The following RBBP8 variants were observed in gnomAD, a reference collection of about 807,000 sequenced individuals.
The protein encoded by RBBP8 is DNA endonuclease RBBP8.
RBBP8 carries 88 observed loss-of-function variants against 108.3 expected under a neutral mutation model. That is an observed-to-expected ratio of 0.81 (90% CI 0.68 to 0.97). RBBP8 has a LOEUF of 0.97. RBBP8 is among the 50% of genes least tolerant of loss of function. The probability of loss-of-function intolerance (pLI) is 0.00; values close to 1 mark genes in which losing one functional copy is unlikely to be tolerated. For synonymous variants in RBBP8, 332 were observed against 348.2 expected, an observed-to-expected ratio of 0.95 and a Z score of 0.52; for missense variants, 1,023 against 1,049.0, an observed-to-expected ratio of 0.98 and a Z score of 0.34.
intron 18 of RBBP8, chr18:23,024,761 G>A (rs935770406): frequency 6.6e-6 from 1 of 152,192 alleles, no homozygotes; most frequent in African/African-American, 2.4e-5. Context: ...TGATTGAAAA[G>A]TATAGTAGTG....
At chr18:22,930,123 G>C (rs951274856), upstream of RBBP8, among the ~76,000 whole-genome samples, 4 of 152,194 alleles carry the variant, frequency 2.6e-5, no homozygotes, top group African/African-American at 7.2e-5. Flanking sequence ...AAGAATCCTA[G>C]AGTCTGTACT....
intron 3 of RBBP8, among the ~76,000 whole-genome samples, chr18:22,947,421 A>C (rs1229619563): frequency 6.6e-6 from 1 of 151,574 alleles, no homozygotes; most frequent in African/African-American, 2.4e-5. Context: ...AAAATTGTTG[A>C]ATGTGCTGCA....
At chr18:22,959,124 CA>C (rs1445796238) in intron 4 of RBBP8, among the ~76,000 whole-genome samples, 1 of 152,158 alleles carries the variant, frequency 6.6e-6, no homozygotes, top group African/African-American at 2.4e-5. Flanking sequence ...CATTTTGTTA[CA>C]GCTTACCCTC....
chr18:23,007,610 A>C (rs2046077108), intron 16 of RBBP8, among the ~76,000 whole-genome samples: 1 of 147,990 alleles, frequency 6.8e-6, no homozygotes, highest in African/African-American at 2.5e-5. Flanking sequence ...AGGCAGGAGA[A>C]TGGCGTGAAC....
intron 3 of RBBP8, among the ~76,000 whole-genome samples, chr18:22,919,943 G>C (rs984505494): frequency 1.3e-5 from 2 of 152,016 alleles, no homozygotes; most frequent in Non-Finnish European, 2.9e-5. Context: ...TATTTAATTT[G>C]CATTTACTTT....
At chr18:22,971,641 CTTTTTTT>C (rs919907678) in intron 5 of RBBP8, among the ~76,000 whole-genome samples, 7 of 109,234 alleles carry the variant, frequency 6.4e-5, no homozygotes, top group African/African-American at 1.1e-4. Context: ...TGTTTAATTT[CTTTTTTT>C]TTTTTTTTTT....
At position 22,982,344 on chromosome 18, in the gene RBBP8, A is replaced by T. The variant is rs770513000; in HGVS notation, c.555A>T (p.Arg185=). Residue 185 remains arginine (R), a synonymous_variant, in exon 7 of 19, where the codon CGA becomes CGT. Coordinates refer to ENST00000327155, the MANE Select transcript of RBBP8 (RefSeq NM_002894.3). ...RLRRKENPHV[R]YIEQTHTKLE... is the part of the protein sequence containing the mutation. ...GAAGAAAGGAGAACCCCCATGTCCG[A>T]TACATAGAACAAACACATACTAAAT... 1 of 1,614,152 alleles carries T rather than the reference A, an allele frequency of 6.2e-7. No individual in the cohort carries two copies. The highest frequency in any genetic ancestry group is 2.2e-5 in the East Asian group (1 of 44,870).
chr18:22,973,714 C>T (rs1425637741), intron 5 of RBBP8, among the ~76,000 whole-genome samples: 3 of 152,076 alleles, frequency 2.0e-5, no homozygotes, highest in Non-Finnish European at 2.9e-5. Flanking sequence ...AACTTTCTAC[C>T]GTTTATTATA....
intron 4 of RBBP8, among the ~76,000 whole-genome samples, chr18:22,965,332 G>T (rs1190868553): frequency 6.6e-6 from 1 of 152,062 alleles, no homozygotes; most frequent in Non-Finnish European, 1.5e-5. Context: ...TGAGTGCATG[G>T]GTAGAGCTGT....
chr18:22,989,035 T>C (rs1488822389), intron 8 of RBBP8, among the ~76,000 whole-genome samples, 186 bp from the exon 9 acceptor site: 1 of 152,242 alleles, frequency 6.6e-6, no homozygotes, highest in African/African-American at 2.4e-5. Context: ...CGCATAGACC[T>C]GCAACTTATT....
chr18:22,999,829 T>C (rs1160621645), intron 14 of RBBP8, among the ~76,000 whole-genome samples: 1 of 152,244 alleles, frequency 6.6e-6, no homozygotes, highest in East Asian at 1.9e-4. Flanking sequence ...ATATACTCTC[T>C]GTCTTCAGGT....
intron 2 of RBBP8, among the ~76,000 whole-genome samples, chr18:22,916,669 T>C (rs1242505135): frequency 1.3e-5 from 2 of 152,154 alleles, no homozygotes; most frequent in Non-Finnish European, 2.9e-5. Context: ...ATATATGGGA[T>C]TGCCATTGAT....
chr18:23,026,258 G>A lies in RBBP8; in HGVS notation c.*18G>A. ...AGACATAGACGTTGAAACAGAAACAGAAGGATGAAGGACAGTTTTTTCCTT... is the reference window on the plus strand; with the variant it reads ...AGACATAGACGTTGAAACAGAAACAAAAGGATGAAGGACAGTTTTTTCCTT... On this transcript the variant is annotated 3_prime_UTR_variant, in exon 19 of 19. Coordinates refer to ENST00000327155, the MANE Select transcript of RBBP8 (RefSeq NM_002894.3). 1 of 1,589,822 alleles carries A rather than the reference G, an allele frequency of 6.3e-7. No homozygotes were observed. The highest frequency in any genetic ancestry group is 8.6e-7 in the Non-Finnish European group (1 of 1,158,484).
chr18:22,980,040 G>A (rs1437118153), intron 6 of RBBP8, among the ~76,000 whole-genome samples: 1 of 152,142 alleles, frequency 6.6e-6, no homozygotes, highest in East Asian at 1.9e-4. Flanking sequence ...GAGGTCAGGA[G>A]TTTGGGACCA....
intron 8 of RBBP8, among the ~76,000 whole-genome samples, chr18:22,986,541 A>C (rs1224194448): frequency 6.6e-6 from 1 of 152,132 alleles, no homozygotes; most frequent in Admixed American, 6.5e-5. Context: ...AAAGAAGAAC[A>C]TGGGTCAAGG....
intron 5 of RBBP8, among the ~76,000 whole-genome samples, chr18:22,969,629 G>A (rs1913915579): frequency 1.3e-5 from 2 of 152,004 alleles, no homozygotes; most frequent in South Asian, 4.1e-4. Context: ...TTTTAAAAGA[G>A]GTAAGAAAGA....
rs192354555 is a variant in RBBP8 at position 22,927,983 on chromosome 18, T to C, written c.-153-1400T>C. Among the ~76,000 whole-genome samples, 288 of 147,392 alleles carry C rather than the reference T, an allele frequency of 2.0e-3. 5 individuals carry two copies. The East Asian group carries it at 0.046, about 23-fold the overall frequency. ...CAGCACTTTGGGAGGCCGAGGAGGG[T>C]GGATCACCTGAGGTCAGGAGTTTGA... is the stretch of plus-strand genomic sequence containing the variant. On this transcript the variant is annotated intron_variant, in intron 3 of 4. Coordinates refer to the RBBP8 transcript ENST00000577588.
intron 8 of RBBP8, chr18:22,985,212 G>GCCTTCTTTACTTA: frequency 8.5e-6 from 2 of 235,504 alleles, no homozygotes; most frequent in Non-Finnish European, 1.4e-5. Context: ...TTTAAGTAAA[G>GCCTTCTTTACTTA]AAGGCTTTAC....
chr18:22,929,530 G>GTT (rs1909937297), upstream of RBBP8: 1 of 132,316 alleles, frequency 7.6e-6, no homozygotes. Context: ...GCGGGTGTGT[G>GTT]TGTGTGTGTG....
Sources: allele counts gnomAD v4.1 joint callset (sites outside exome capture counted in the v4.1 genomes callset), GRCh38; gene constraint gnomAD v4.1.1; transcripts MANE v1.5; gene names NCBI Gene and HGNC (gene_info 2026-07-23, HGNC 2026-07-21).